The following RSF1 variants were observed in gnomAD, a reference collection of about 807,000 sequenced individuals.
RSF1 encodes HBV pX-associated protein 8.
In RSF1, 13 loss-of-function variants were observed where a neutral mutation model predicts 145.2. The ratio of observed to expected loss-of-function variants is 0.09; its 90% CI spans 0.06 to 0.14. The LOEUF is 0.14. Ranked by LOEUF, RSF1 falls within the 10% of genes least tolerant of loss-of-function variation. The pLI is 1.00. For synonymous variants in RSF1, 577 were observed against 592.6 expected (o/e 0.97, Z 0.38); for missense variants, 1,517 against 1,718.2 (o/e 0.88, Z 2.07).
At chr11:77,837,388 G>A in the RSF1 span, among the ~76,000 whole-genome samples, 120 of 148,240 alleles carry the variant, frequency 8.1e-4, no homozygotes, top group Middle Eastern at 8.4e-3. Flanking sequence ...CGCCTGCCTC[G>A]GCCTCCCAAA....
chr11:77,743,473 T>A (rs1237300351), intron 3 of RSF1, among the ~76,000 whole-genome samples: 1 of 152,236 alleles, frequency 6.6e-6, no homozygotes, highest in Non-Finnish European at 1.5e-5. Flanking sequence ...TTTTATTTTT[T>A]GATGCTATTG....
chr11:77,831,597 C>G, the RSF1 span, among the ~76,000 whole-genome samples: 2 of 152,146 alleles, frequency 1.3e-5, no homozygotes, highest in East Asian at 3.9e-4. Context: ...CTACCCTTAC[C>G]TTCTTGATTT....
chr11:77,839,071 T>C, the RSF1 span, among the ~76,000 whole-genome samples: 4 of 152,364 alleles, frequency 2.6e-5, no homozygotes, highest in South Asian at 8.3e-4. Context: ...TACTACTTTC[T>C]TTGAAGTCTT....
intron 1 of RSF1, among the ~76,000 whole-genome samples, chr11:77,811,609 AT>A (rs1447360742): frequency 6.6e-6 from 1 of 152,230 alleles, no homozygotes; most frequent in Non-Finnish European, 1.5e-5. Flanking sequence ...GGGATGGTAT[AT>A]TCGACTCAGA....
chr11:77,688,040 C>T (rs1392201393), intron 9 of RSF1, among the ~76,000 whole-genome samples: 26 of 152,294 alleles, frequency 1.7e-4, no homozygotes, highest in Admixed American at 1.2e-3. Flanking sequence ...ACTGTAATCC[C>T]AGCACTTTGG....
intron 1 of RSF1, among the ~76,000 whole-genome samples, chr11:77,812,687 A>G (rs1257789281): frequency 6.6e-6 from 1 of 152,116 alleles, no homozygotes; most frequent in Non-Finnish European, 1.5e-5. Context: ...GGAGTTTTTG[A>G]GACCAGCCTG....
intron 1 of RSF1, among the ~76,000 whole-genome samples, chr11:77,804,406 G>T (rs1948656976): frequency 6.6e-6 from 1 of 152,238 alleles, no homozygotes; most frequent in Non-Finnish European, 1.5e-5. Flanking sequence ...TAGCTGGCAT[G>T]TGAAATGGGG....
At chr11:77,751,035 C>T (rs527790111) in intron 2 of RSF1, among the ~76,000 whole-genome samples, 1 of 152,242 alleles carries the variant, frequency 6.6e-6, no homozygotes, top group South Asian at 2.1e-4. Flanking sequence ...ATACCCCTTA[C>T]ATCTTTTCCT....
chr11:77,812,464 T>G (rs1211131866), intron 1 of RSF1, among the ~76,000 whole-genome samples: 1 of 152,180 alleles, frequency 6.6e-6, no homozygotes, highest in Non-Finnish European at 1.5e-5. Flanking sequence ...CTGGAGGAAC[T>G]CTTGCTTACA....
intron 7 of RSF1, among the ~76,000 whole-genome samples, chr11:77,696,707 C>T (rs528431023): frequency 6.6e-6 from 1 of 152,220 alleles, no homozygotes; most frequent in African/African-American, 2.4e-5. Flanking sequence ...ATTTAGAAGG[C>T]AGAAAAGACT....
In RSF1 at chr11:77,702,228, T is replaced by C; in HGVS notation, c.1001A>G (p.Lys334Arg). 1 of 1,613,898 alleles carries C rather than the reference T, an allele frequency of 6.2e-7. No individual in the cohort carries two copies. Among genetic ancestry groups the C allele is most frequent in the Non-Finnish European group, 8.5e-7 (1 of 1,179,960 alleles). ...CTTCTCCATGCTACTTTTGGTATCT[T>C]TAGGATCTGCTCTACATTCCTTCAC... ...VEVKECRADPKDTKSSMEKPV... is the reference protein window; with the variant it reads ...VEVKECRADPRDTKSSMEKPV... The change falls in exon 6 of 16, where the codon AAA becomes AGA. Residue 334 changes from lysine to arginine, a missense_variant. By Grantham distance (26) the Lys-to-Arg change is conservative. Coordinates refer to ENST00000308488, the MANE Select transcript of RSF1 (RefSeq NM_016578.4).
chr11:77,852,325 C>T, the RSF1 span, among the ~76,000 whole-genome samples: 11 of 151,044 alleles, frequency 7.3e-5, no homozygotes, highest in Admixed American at 2.0e-4. Context: ...ATTTGACATA[C>T]GGAATTTGGT....
chr11:77,740,836 T>C lies in RSF1; in HGVS notation c.473A>G (p.Lys158Arg), dbSNP rs770334925. 1.2e-6 allele frequency: 2 copies of C among 1,614,078 alleles called. No individual in the cohort carries two copies. The highest frequency in any genetic ancestry group is 1.3e-5 in the African/African-American group (1 of 75,038). The change falls in exon 4 of 16, where the codon AAA (lysine) becomes AGA (arginine). Residue 158 changes from lysine to arginine, a missense_variant. Physicochemically the swap from Lys to Arg is conservative, Grantham distance 26 (BLOSUM62 2). This residue lies in a region of RSF1 where 94 missense variants were observed against 143.6 expected (regional missense o/e 0.65). Transcript: ENST00000308488. The part of the protein sequence containing the change: ...TMRLQPIGRD[K>R]DGLMYWYQLD... Reference sequence around the variant, plus strand: ...TTGGTACCAGTACATGAGGCCATCTTTGTCTCGACCAATTGGCTGGAGACG... The same window carrying C: ...TTGGTACCAGTACATGAGGCCATCTCTGTCTCGACCAATTGGCTGGAGACG...
chr11:77,737,565 T>G (rs1031615290), intron 4 of RSF1, among the ~76,000 whole-genome samples: 3 of 151,782 alleles, frequency 2.0e-5, no homozygotes, highest in Admixed American at 2.0e-4. Context: ...CATACACCAT[T>G]TTGTTTATCA....
intron 11 of RSF1, among the ~76,000 whole-genome samples, chr11:77,678,549 C>T (rs1158535054): frequency 1.3e-5 from 2 of 152,108 alleles, no homozygotes; most frequent in African/African-American, 4.8e-5. Flanking sequence ...TAGCAGATGT[C>T]TGTTACTGTC....
upstream of RSF1, chr11:77,820,755 G>A (rs1232444224): frequency 1.3e-6 from 2 of 1,522,266 alleles, no homozygotes; most frequent in Non-Finnish European, 1.8e-6. Context: ...GGGGGGGCGG[G>A]GGAAGTTGTG....
chr11:77,717,997 C>G (rs901925712), intron 5 of RSF1: 1 of 152,124 alleles, frequency 6.6e-6, no homozygotes, highest in African/African-American at 2.4e-5. Context: ...TTTTGCTGCA[C>G]TCAAACTCAA....
At chr11:77,767,222 C>A (rs1221089393) in intron 1 of RSF1, among the ~76,000 whole-genome samples, 1 of 152,154 alleles carries the variant, frequency 6.6e-6, no homozygotes, top group African/African-American at 2.4e-5. Context: ...TCACTTTCTT[C>A]AATTTCTCCT....
At chr11:77,712,166 G>GGCA (rs1360355359) in intron 5 of RSF1, among the ~76,000 whole-genome samples, 1 of 152,122 alleles carries the variant, frequency 6.6e-6, no homozygotes, top group East Asian at 1.9e-4. Context: ...ATGTGTCTAG[G>GGCA]GCAGGGCCAG....
Sources: gnomAD v4.1 joint callset for allele counts (sites outside exome capture counted in the v4.1 genomes callset) on GRCh38, gnomAD v4.1.1 for gene constraint, gnomAD v4.1.1 regional missense constraint, MANE v1.5 for transcripts, NCBI Gene and HGNC (gene_info 2026-07-23, HGNC 2026-07-21) for gene names.